HUWE1: variants seen among roughly 807,000 people sequenced by gnomAD.
HUWE1 encodes the protein E3 ubiquitin-protein ligase HUWE1.
A neutral mutation model predicts 299.4 loss-of-function variants in HUWE1; 18 were observed. The observed-to-expected ratio is 0.06, with a 90% CI of 0.04 to 0.09. The LOEUF (loss-of-function observed/expected upper bound fraction) is 0.09, where lower values mean the gene tolerates loss of function less well. HUWE1 is among the 10% of genes least tolerant of loss of function. The pLI is 1.00. For missense variants in HUWE1, 1,832 were observed against 3,462.3 expected (o/e 0.53, Z 11.82); for synonymous variants, 1,317 against 1,286.1 (o/e 1.02, Z -0.51).
intron 12 of HUWE1, 103 bp downstream of exon 12, chrX:53,630,832 G>A (rs952316919): frequency 1.3e-5 from 7 of 529,749 alleles, no homozygotes; most frequent in South Asian, 2.5e-5. Context: ...TGCTACCTAG[G>A]TAACTATAAT....
intron 7 of HUWE1, 104 bp downstream of exon 7, chrX:53,645,207 T>TAAC (rs1726658763): frequency 3.4e-6 from 3 of 877,997 alleles, no homozygotes; most frequent in Middle Eastern, 8.0e-4. Flanking sequence ...CCAGTGAAGT[T>TAAC]AACTTAGGGA....
intron 22 of HUWE1, among the ~76,000 whole-genome samples, chrX:53,615,023 T>C (rs1557006000): frequency 2.0e-5 from 2 of 99,719 alleles, no homozygotes; most frequent in Non-Finnish European, 4.0e-5. Context: ...ACCAGGAACT[T>C]ATATACCAAT....
rs2061558636 is a variant in HUWE1 at position 53,546,844 on chromosome X, A to G, written c.10637-19T>C. ...GGAGAAACTTTGAGGAAACAGACAGAACACTGTAAGCCTCTCTGAAACTCA... is the reference window on the plus strand; with the variant it reads ...GGAGAAACTTTGAGGAAACAGACAGGACACTGTAAGCCTCTCTGAAACTCA... On this transcript the variant is annotated intron_variant, in intron 68 of 83. Coordinates refer to ENST00000262854, the MANE Select transcript of HUWE1 (RefSeq NM_031407.7). The G allele has an allele frequency of 1.7e-6, 2 of 1,196,651 alleles. No individual in the cohort carries two copies. Among genetic ancestry groups the G allele is most frequent in the Non-Finnish European group, 1.1e-6 (1 of 888,489 alleles).
rs1556938196 is a variant in HUWE1, at chrX:53,559,027, C to T, written c.7949G>A (p.Arg2650His). The change falls in exon 58 of 84, where the codon CGC becomes CAC. Residue 2650 changes from arginine to histidine, a missense_variant. Coordinates refer to ENST00000262854, the MANE Select transcript of HUWE1 (RefSeq NM_031407.7). ...GAGAACTTTGCATTCTTCTGTCCAG[C>T]GGGTCAGGGCTGTGGGGATGCTGGA... ...TLSSIPTALT[R>H]WTEECKVLDA... is the part of the protein sequence containing the mutation. 1 of 1,171,364 alleles carries T rather than the reference C, an allele frequency of 8.5e-7. No homozygotes were observed.
intron 3 of HUWE1, among the ~76,000 whole-genome samples, chrX:53,678,766 A>G (rs2069963135): frequency 8.9e-6 from 1 of 112,068 alleles, no homozygotes; most frequent in African/African-American, 3.2e-5. Context: ...GCAACATTAT[A>G]AAGTAGTATA....
At chrX:53,667,093 T>C (rs1343604561) in intron 3 of HUWE1, among the ~76,000 whole-genome samples, 1 of 111,760 alleles carries the variant, frequency 8.9e-6, no homozygotes, top group Non-Finnish European at 1.9e-5. Flanking sequence ...TAAAATAGAT[T>C]AGAAGCAATC....
chrX:53,634,519 T>G (rs147275591), intron 7 of HUWE1, among the ~76,000 whole-genome samples: 18 of 112,241 alleles, frequency 1.6e-4, no homozygotes, highest in Non-Finnish European at 3.4e-4. Context: ...AAATAAGAAC[T>G]TAAGAATCAA....
chrX:53,567,958 G>A (rs1276276237), intron 49 of HUWE1, among the ~76,000 whole-genome samples: 1 of 111,974 alleles, frequency 8.9e-6, no homozygotes, highest in Non-Finnish European at 1.9e-5. Context: ...ATATCAGGAA[G>A]TAAAGGATTA....
chrX:53,610,143 T>C (rs1037913298), intron 23 of HUWE1, among the ~76,000 whole-genome samples: 1 of 111,513 alleles, frequency 9.0e-6, no homozygotes, highest in African/African-American at 3.3e-5. Flanking sequence ...CTTATATCAA[T>C]TACCTATATA....
chrX:53,613,906 C>T, intron 23 of HUWE1, among the ~76,000 whole-genome samples: 2 of 112,119 alleles, frequency 1.8e-5, no homozygotes, highest in Middle Eastern at 4.6e-3. Flanking sequence ...AATAAGGTCT[C>T]TGTGCAAAGT....
chrX:53,630,905 G>T, intron 12 of HUWE1, 30 bp downstream of exon 12: 1 of 862,046 alleles, frequency 1.2e-6, no homozygotes, highest in Non-Finnish European at 1.7e-6. Context: ...TGTCTAATAC[G>T]GCCTGGTAAT....
chrX:53,570,381 C>G (rs1030054971), intron 47 of HUWE1, among the ~76,000 whole-genome samples: 12 of 112,553 alleles, frequency 1.1e-4, no homozygotes, highest in Admixed American at 3.7e-4. Flanking sequence ...TAATCTGAAG[C>G]CCCCTAAAGA....
intron 38 of HUWE1, 77 bp from the exon 39 acceptor site, chrX:53,586,648 G>C: frequency 9.4e-7 from 1 of 1,067,371 alleles, no homozygotes; most frequent in Non-Finnish European, 1.3e-6. Flanking sequence ...AATTTCATCA[G>C]ATGCTTCCTT....
intron 46 of HUWE1, among the ~76,000 whole-genome samples, chrX:53,574,744 C>CA (rs1556956530): frequency 1.8e-5 from 2 of 111,901 alleles, no homozygotes; most frequent in Admixed American, 1.9e-4. Context: ...GACTTACTCC[C>CA]AGGGACATTT....
intron 33 of HUWE1, among the ~76,000 whole-genome samples, chrX:53,591,826 C>T (rs1324743004): frequency 9.0e-6 from 1 of 111,371 alleles, no homozygotes; most frequent in Non-Finnish European, 1.9e-5. Context: ...TGATAAAAAA[C>T]GGGACAAGTG....
At position 53,624,580 on chromosome X, in the gene HUWE1, A is replaced by G; in HGVS notation, c.1672+15T>C. The G allele has an allele frequency of 7.9e-6, 9 of 1,135,176 alleles. No homozygotes were observed. Among genetic ancestry groups the G allele is most frequent in the Non-Finnish European group, 1.1e-5 (9 of 825,511 alleles). 93.6% of individuals were successfully genotyped at this position (1,135,176 alleles called of 1,213,427 possible). A position where few individuals can be genotyped will look rare whatever the true frequency, so the allele number is the denominator to read the frequency against. Reference sequence around the variant, plus strand: ...TTATCCCAAATTGTTATAACCAACTATCAACTCCACTTACCTAGGAGGAAG... The same window carrying G: ...TTATCCCAAATTGTTATAACCAACTGTCAACTCCACTTACCTAGGAGGAAG... On this transcript the variant is annotated intron_variant, in intron 19 of 83. Transcript: ENST00000262854.
At chrX:53,573,603 C>T (rs782339004) in intron 47 of HUWE1, 147 bp downstream of exon 47, 10 of 519,813 alleles carry the variant, frequency 1.9e-5, no homozygotes, top group South Asian at 2.8e-5. Flanking sequence ...CCACCGCACC[C>T]GGCCTTGCAT....
At chrX:53,537,192 T>C in intron 78 of HUWE1, 1 of 278,151 alleles carries the variant, frequency 3.6e-6, no homozygotes, top group South Asian at 4.1e-5. Context: ...TGATCTCCTC[T>C]AGGTGGCTTC....
Position 53,584,994 on chromosome X carries a change from T to G in HUWE1, c.5001+18A>C, listed in dbSNP as rs782544432. The G allele has an allele frequency of 8.4e-5, 101 of 1,209,478 alleles. No individual in the cohort carries two copies. Among genetic ancestry groups the G allele is most frequent in the Non-Finnish European group, 7.4e-5 (66 of 894,643 alleles). ...CTGTGGTCCACGGGTTAGACAAGCTTGGTGAGTGAGCATGTACCTGCACCA... is the reference window on the plus strand; with the variant it reads ...CTGTGGTCCACGGGTTAGACAAGCTGGGTGAGTGAGCATGTACCTGCACCA... On this transcript the variant is annotated intron_variant, in intron 40 of 83. Transcript: ENST00000262854.
Sources: allele counts gnomAD v4.1 joint callset (sites outside exome capture counted in the v4.1 genomes callset), GRCh38; gene constraint gnomAD v4.1.1; transcripts MANE v1.5; gene names NCBI Gene and HGNC (gene_info 2026-07-23, HGNC 2026-07-21).